Variants in SSH1 observed in about 807,000 individuals in gnomAD.
SSH1 encodes the protein protein phosphatase Slingshot homolog 1.
SSH1 carries 43 observed loss-of-function variants against 79.7 expected under a neutral mutation model. That is an observed-to-expected ratio of 0.54 (90% CI 0.42 to 0.70). SSH1 has a LOEUF of 0.70. Among genes scored for constraint, SSH1 ranks in the 30% least tolerant of loss-of-function variants. SSH1 has a pLI of 0.00. For missense variants in SSH1, 1,206 were observed against 1,358.8 expected, an observed-to-expected ratio of 0.89 and a Z score of 1.77; for synonymous variants, 599 against 538.3, an observed-to-expected ratio of 1.11 and a Z score of -1.56.
chr12:108,802,729 G>A (rs2137046342), intron 10 of SSH1, among the ~76,000 whole-genome samples: 1 of 152,232 alleles, frequency 6.6e-6, no homozygotes, highest in Non-Finnish European at 1.5e-5. Context: ...CTCCCACCCA[G>A]GGAAGGGCAC....
chr12:108,833,507 C>T (rs1253127783), intron 2 of SSH1, among the ~76,000 whole-genome samples: 1 of 152,224 alleles, frequency 6.6e-6, no homozygotes, highest in Non-Finnish European at 1.5e-5. Flanking sequence ...CAGCCCCATA[C>T]CACAGTCATT....
At chr12:108,841,433 T>C (rs1427458438) in intron 2 of SSH1, among the ~76,000 whole-genome samples, 5 of 152,204 alleles carry the variant, frequency 3.3e-5, no homozygotes, top group African/African-American at 1.2e-4. Context: ...TAATGAAAAG[T>C]TTAATTAAGT....
At chr12:108,852,612 G>C (rs1295172560) in intron 2 of SSH1, 26 bp downstream of exon 2, 5 of 1,613,586 alleles carry the variant, frequency 3.1e-6, no homozygotes, top group Non-Finnish European at 4.2e-6. Flanking sequence ...GAAAGACTTA[G>C]GAACAAGAAT....
At chr12:108,794,469 C>A (rs977044468) in intron 13 of SSH1, among the ~76,000 whole-genome samples, 1 of 152,214 alleles carries the variant, frequency 6.6e-6, no homozygotes, top group Non-Finnish European at 1.5e-5. Flanking sequence ...AGCTCCTTAT[C>A]CCTGCCCTGA....
At chr12:108,816,916 C>A (rs1041425044) in intron 5 of SSH1, 122 bp downstream of exon 5, 1 of 1,491,636 alleles carries the variant, frequency 6.7e-7, no homozygotes, top group Non-Finnish European at 9.3e-7. Context: ...CTCGACTCCC[C>A]AGGCTCTCCA....
At chr12:108,821,711 C>G (rs941849358) in intron 3 of SSH1, among the ~76,000 whole-genome samples, 3 of 152,278 alleles carry the variant, frequency 2.0e-5, no homozygotes, top group Non-Finnish European at 2.9e-5. Context: ...CACACTGCCT[C>G]CTTGTACAGG....
At chr12:108,853,902 GAA>G (rs897437482) in intron 1 of SSH1, among the ~76,000 whole-genome samples, 18 of 147,580 alleles carry the variant, frequency 1.2e-4, no homozygotes, top group African/African-American at 3.8e-4. Context: ...CCAGCCTGGT[GAA>G]AGAGCAATAC....
chr12:108,852,515 C>A (rs747623966), intron 2 of SSH1, 123 bp downstream of exon 2: 7 of 1,208,740 alleles, frequency 5.8e-6, no homozygotes, highest in Non-Finnish European at 7.4e-6. Flanking sequence ...CAGGCGTGAC[C>A]CACCGCACCC....
intron 1 of SSH1, 154 bp from the exon 2 acceptor site, chr12:108,852,832 C>A: frequency 8.1e-6 from 8 of 985,420 alleles, no homozygotes; most frequent in Non-Finnish European, 9.6e-6. Context: ...CCTCACCAAT[C>A]CCGGTCTGTC....
At chr12:108,792,097 G>C (rs909164183) in intron 14 of SSH1, 189 bp downstream of exon 14, 17 of 1,467,572 alleles carry the variant, frequency 1.2e-5, no homozygotes, top group African/African-American at 2.8e-5. Flanking sequence ...CCCACCAGCA[G>C]AATCACCCTG....
At chr12:108,838,592 G>A (rs546256425) in intron 2 of SSH1, among the ~76,000 whole-genome samples, 2 of 152,332 alleles carry the variant, frequency 1.3e-5, no homozygotes, top group African/African-American at 2.4e-5. Context: ...GTGCTGGGGC[G>A]GCCAGCAGCT....
At chr12:108,814,425 C>A (rs1188641677) in intron 5 of SSH1, among the ~76,000 whole-genome samples, 3 of 151,872 alleles carry the variant, frequency 2.0e-5, no homozygotes, top group Non-Finnish European at 4.4e-5. Context: ...ACATTGCTCC[C>A]TCAGCAGGCC....
chr12:108,823,659 T>C (rs1269270381), intron 2 of SSH1, among the ~76,000 whole-genome samples: 1 of 152,148 alleles, frequency 6.6e-6, no homozygotes, highest in Non-Finnish European at 1.5e-5. Context: ...CACTGTCATA[T>C]AACATTTTCT....
chr12:108,796,715 A>G (rs2036767229), intron 13 of SSH1, among the ~76,000 whole-genome samples: 1 of 152,080 alleles, frequency 6.6e-6, no homozygotes, highest in African/African-American at 2.4e-5. Flanking sequence ...ATATTTCCAC[A>G]AGTGGAATTG....
chr12:108,835,601 A>G (rs1423887391), intron 2 of SSH1, among the ~76,000 whole-genome samples: 1 of 151,798 alleles, frequency 6.6e-6, no homozygotes, highest in Non-Finnish European at 1.5e-5. Context: ...ACCTCTGGAA[A>G]ACAGTCTCAA....
At chr12:108,805,278 T>C (rs1593043669) in intron 9 of SSH1, 94 bp from the exon 10 acceptor site, 6 of 1,452,326 alleles carry the variant, frequency 4.1e-6, no homozygotes, top group Non-Finnish European at 4.7e-6. Context: ...CTGTGCCTAT[T>C]TCCAAAAAAG....
chr12:108,812,502 G>A (rs1317198811), intron 5 of SSH1, among the ~76,000 whole-genome samples: 1 of 152,262 alleles, frequency 6.6e-6, no homozygotes, highest in African/African-American at 2.4e-5. Flanking sequence ...CAGGACGGGG[G>A]CAGGGCCAAG....
chr12:108,795,944 G>C (rs567345898), intron 13 of SSH1, among the ~76,000 whole-genome samples: 13 of 152,230 alleles, frequency 8.5e-5, no homozygotes, highest in African/African-American at 2.9e-4. Flanking sequence ...GTCTCGCTCT[G>C]TTGCTCAGGC....
chr12:108,849,418 G>A (rs1047091915), intron 2 of SSH1, among the ~76,000 whole-genome samples: 2 of 152,100 alleles, frequency 1.3e-5, no homozygotes, highest in Non-Finnish European at 2.9e-5. Context: ...TTAGCCAGGT[G>A]TGGTGGCGCA....
Sources: allele counts gnomAD v4.1 joint callset (sites outside exome capture counted in the v4.1 genomes callset), GRCh38; gene constraint gnomAD v4.1.1; transcripts MANE v1.5; gene names NCBI Gene and HGNC (gene_info 2026-07-23, HGNC 2026-07-21).